Variants in DPEP1 observed in about 807,000 individuals in gnomAD.
DPEP1 encodes dipeptidase 1, also known as beta-lactamase.
In DPEP1, 50 loss-of-function variants were observed where a neutral mutation model predicts 42.3. The observed-to-expected ratio is 1.18, with a 90% confidence interval of 0.94 to 1.50. The LOEUF (loss-of-function observed/expected upper bound fraction) is 1.50. Ranked by LOEUF, DPEP1 falls within the 40% of genes most tolerant of loss-of-function variation. DPEP1 has a pLI of 0.00. For synonymous variants in DPEP1, 297 were observed against 234.0 expected, an observed-to-expected ratio of 1.27 and a Z score of -2.46; for missense variants, 663 against 553.0, an observed-to-expected ratio of 1.20 and a Z score of -1.99.
At chr16:89,634,347 A>G (rs1299035566) in intron 2 of DPEP1, among the ~76,000 whole-genome samples, 4 of 152,154 alleles carry the variant, frequency 2.6e-5, no homozygotes, top group South Asian at 4.1e-4. Context: ...TCGGCCTCCC[A>G]AAGTGCTGGG....
chr16:89,622,097 G>C (rs373420078), intron 1 of DPEP1, among the ~76,000 whole-genome samples: 1 of 152,184 alleles, frequency 6.6e-6, no homozygotes. Context: ...GTGGGGCCTC[G>C]GTGCACCCAT....
Position 89,637,354 on chromosome 16 carries a change from G to A in DPEP1, c.742G>A (p.Val248Met), listed in dbSNP as rs775262071. 4.2e-5 allele frequency: 67 copies of A among 1,612,172 alleles called. No individual in the cohort carries two copies. In the South Asian group the frequency reaches 4.8e-4, roughly 12 times the overall value. Residue 248 changes from valine (V) to methionine (M), a missense_variant, in exon 7 of 11, where the codon GTG becomes ATG. By Grantham distance (21) the Val-to-Met change is conservative (BLOSUM62 1). Transcript: ENST00000690203. Reference sequence around the variant, plus strand: ...CAGCGTGTGCGCAAGCCGGCGCAACGTGCCTGACGACGTCCTGAGGCTGGT... The same window carrying A: ...CAGCGTGTGCGCAAGCCGGCGCAACATGCCTGACGACGTCCTGAGGCTGGT... ...AYSVCASRRN[V>M]PDDVLRLVKQ... is the part of the protein sequence containing the mutation.
chr16:89,615,257 G>A (rs1597736823), intron 1 of DPEP1, among the ~76,000 whole-genome samples: 1 of 152,218 alleles, frequency 6.6e-6, no homozygotes, highest in Non-Finnish European at 1.5e-5. Context: ...CGGACACTGA[G>A]CCCCAAAGCG....
intron 1 of DPEP1, among the ~76,000 whole-genome samples, chr16:89,626,921 C>T (rs1178648198): frequency 1.3e-5 from 2 of 150,956 alleles, no homozygotes; most frequent in Non-Finnish European, 3.0e-5. Context: ...AGTTTGAGAC[C>T]ACCCTGGCCA....
At chr16:89,621,662 C>T (rs2059447696) in intron 1 of DPEP1, among the ~76,000 whole-genome samples, 1 of 152,222 alleles carries the variant, frequency 6.6e-6, no homozygotes, top group Non-Finnish European at 1.5e-5. Context: ...CCGTCCCTCG[C>T]ACATGCAAGG....
rs373769406 is a variant in DPEP1, at chr16:89,634,304, A to G, written c.105-1604A>G. 1.4e-3 allele frequency among the ~76,000 whole-genome samples: 213 copies of G among 151,784 alleles called. 1 individual carries two copies. The highest frequency in any genetic ancestry group is 4.8e-3 in the South Asian group (23 of 4,804). ...GGGTTTCACCATGTTAGCCAGGATG[A>G]TCTCGATCTCCTGACCTTGTGATCT... is the stretch of plus-strand genomic sequence containing the variant. On this transcript the variant is annotated intron_variant, in intron 2 of 10. Coordinates refer to ENST00000690203, the MANE Select transcript of DPEP1 (RefSeq NM_001389466.1).
chr16:89,635,163 CCCTTTCCCTTCCTTCT>C (rs1407915180), intron 2 of DPEP1, among the ~76,000 whole-genome samples: 1 of 30,478 alleles, frequency 3.3e-5, no homozygotes, highest in Non-Finnish European at 8.6e-5. Flanking sequence ...CCCCTTCCTT[CCCTTTCCCTTCCTTCT>C]CCTTTCCCCT....
chr16:89,635,882 C>T (rs2059671052), intron 2 of DPEP1, 26 bp from the exon 3 acceptor site: 4 of 1,572,164 alleles, frequency 2.5e-6, no homozygotes, highest in Non-Finnish European at 3.5e-6. Context: ...GCCCTGACTG[C>T]CTGGCCTCTC....
chr16:89,615,306 C>G (rs464072), intron 1 of DPEP1, among the ~76,000 whole-genome samples: 150,330 of 152,298 alleles, frequency 0.99, 74,224 homozygotes, highest in East Asian at 1. Context: ...CCTCACAGGT[C>G]GGGCTGAGGC....
chr16:89,623,919 G>C (rs1360244025), intron 1 of DPEP1, among the ~76,000 whole-genome samples: 2 of 152,134 alleles, frequency 1.3e-5, no homozygotes, highest in African/African-American at 2.4e-5. Context: ...CTGAGAAGTC[G>C]TGGCGCTCCG....
chr16:89,622,872 T>TGG (rs1169850270), intron 1 of DPEP1, among the ~76,000 whole-genome samples: 2 of 150,780 alleles, frequency 1.3e-5, no homozygotes, highest in Non-Finnish European at 2.9e-5. Flanking sequence ...AGGAAGTGAA[T>TGG]GGAAGAGTGT....
At chr16:89,633,699 C>T (rs1266349694) in intron 2 of DPEP1, among the ~76,000 whole-genome samples, 1 of 152,210 alleles carries the variant, frequency 6.6e-6, no homozygotes, top group Admixed American at 6.5e-5. Context: ...AAAACACCCT[C>T]ATGTTACAGA....
intron 1 of DPEP1, among the ~76,000 whole-genome samples, chr16:89,617,364 C>T (rs1195452891): frequency 6.6e-6 from 1 of 152,174 alleles, no homozygotes; most frequent in African/African-American, 2.4e-5. Flanking sequence ...CACGAGGCCA[C>T]AGGAGCTCCC....
intron 1 of DPEP1, among the ~76,000 whole-genome samples, chr16:89,626,130 A>G (rs2059508262): frequency 6.6e-6 from 1 of 152,132 alleles, no homozygotes; most frequent in South Asian, 2.1e-4. Flanking sequence ...CGATGTGTGA[A>G]TAAGGGTGCC....
At chr16:89,621,730 G>C (rs2059448680) in intron 1 of DPEP1, among the ~76,000 whole-genome samples, 1 of 152,336 alleles carries the variant, frequency 6.6e-6, no homozygotes, top group East Asian at 1.9e-4. Flanking sequence ...ACGTGTGTCT[G>C]TGTGCACGTG....
chr16:89,635,572 A>C (rs969155341), intron 2 of DPEP1, among the ~76,000 whole-genome samples: 1 of 152,084 alleles, frequency 6.6e-6, no homozygotes, highest in Non-Finnish European at 1.5e-5. Context: ...AATCCTGTCC[A>C]CTGAGGTCAT....
In DPEP1 at chr16:89,635,347, T is replaced by C. The variant is rs77117947; in HGVS notation, c.105-561T>C. ...TGATTGGAGTTTGGGTGCAGGGCTCTTCCCTGGGGACAGAGGCAGCAGAGA... is the reference window on the plus strand; with the variant it reads ...TGATTGGAGTTTGGGTGCAGGGCTCCTCCCTGGGGACAGAGGCAGCAGAGA... On this transcript the variant is annotated intron_variant, in intron 2 of 10. Transcript: ENST00000690203. Among the ~76,000 whole-genome samples, 2,695 of 150,764 alleles carry C rather than the reference T, an allele frequency of 0.018. 539 individuals carry two copies. The East Asian group carries it at 0.47, about 26-fold the overall frequency.
rs1035682985 is a variant in DPEP1 at position 89,628,439 on chromosome 16, G to A, written c.-106-1866G>A. On this transcript the variant is annotated intron_variant, in intron 1 of 10. Coordinates refer to ENST00000690203, the MANE Select transcript of DPEP1 (RefSeq NM_001389466.1). ...TGCCTGGCTAATTTTTGTATTTTTA[G>A]TAGAGACGGGGTTTCACCATGTTGC... Among the ~76,000 whole-genome samples the A allele has an allele frequency of 2.7e-5, 4 of 148,692 alleles. No homozygotes were observed. In the Admixed American group the frequency reaches 2.7e-4, roughly 10 times the overall value.
At chr16:89,620,080 G>A (rs909423328) in intron 1 of DPEP1, among the ~76,000 whole-genome samples, 9 of 150,846 alleles carry the variant, frequency 6.0e-5, no homozygotes, top group Non-Finnish European at 7.4e-5. Context: ...AGCTCAGTGC[G>A]GTCCACACGC....
Sources: gnomAD v4.1 joint callset for allele counts (sites outside exome capture counted in the v4.1 genomes callset) on GRCh38, gnomAD v4.1.1 for gene constraint, MANE v1.5 for transcripts, NCBI Gene and HGNC (gene_info 2026-07-23, HGNC 2026-07-21) for gene names.